GPHN: variants seen among roughly 807,000 people sequenced by gnomAD.
GPHN encodes the protein gephyrin.
A neutral mutation model predicts 95.5 loss-of-function variants in GPHN; 17 were observed. That is an observed-to-expected ratio of 0.18 (90% CI 0.12 to 0.27). GPHN has a LOEUF of 0.27. Ranked by LOEUF, GPHN falls within the 10% of genes least tolerant of loss-of-function variation. The pLI is 1.00. For synonymous variants in GPHN, 320 were observed against 322.5 expected, an observed-to-expected ratio of 0.99 and a Z score of 0.08; for missense variants, 660 against 978.1, an observed-to-expected ratio of 0.67 and a Z score of 4.34.
intron 1 of GPHN, among the ~76,000 whole-genome samples, chr14:66,597,546 G>A (rs535990895): frequency 6.6e-6 from 1 of 152,320 alleles, no homozygotes; most frequent in East Asian, 1.9e-4. Flanking sequence ...TGCCAGGAGT[G>A]GGGAGAGGCC....
At chr14:67,391,917 AGGAGGCGTGCAG>A in the GPHN span, among the ~76,000 whole-genome samples, 1 of 152,240 alleles carries the variant, frequency 6.6e-6, no homozygotes, top group African/African-American at 2.4e-5. Context: ...AAGTGTATCA[AGGAGGCGTGCAG>A]AATCTCACAA....
chr14:67,722,529 G>A, the GPHN span: 36 of 857,880 alleles, frequency 4.2e-5, no homozygotes, highest in African/African-American at 5.8e-4. Flanking sequence ...ACGGAGAGGA[G>A]CAGAGAAGCA....
chr14:67,635,457 C>A, the GPHN span, among the ~76,000 whole-genome samples: 1 of 152,220 alleles, frequency 6.6e-6, no homozygotes, highest in Admixed American at 6.5e-5. Context: ...CCATTCCCCA[C>A]CCTCCAGTTT....
chr14:66,582,489 T>C, intron 1 of GPHN, among the ~76,000 whole-genome samples: 1 of 151,996 alleles, frequency 6.6e-6, no homozygotes, highest in Non-Finnish European at 1.5e-5. Flanking sequence ...ACCCATTAAC[T>C]CATCATTTAG....
intron 1 of GPHN, among the ~76,000 whole-genome samples, chr14:66,574,383 T>G: frequency 6.6e-6 from 1 of 152,246 alleles, no homozygotes; most frequent in Non-Finnish European, 1.5e-5. Context: ...TCTATGGTTA[T>G]TTTACTGCTT....
chr14:67,579,502 G>A, the GPHN span: 36 of 646,778 alleles, frequency 5.6e-5, no homozygotes, highest in African/African-American at 6.1e-4. Flanking sequence ...AAAGATTGTT[G>A]GTAAAGGAGG....
the GPHN span, among the ~76,000 whole-genome samples, chr14:67,389,913 G>A: frequency 6.6e-6 from 1 of 152,218 alleles, no homozygotes; most frequent in East Asian, 1.9e-4. Flanking sequence ...GTCAACTGGA[G>A]CTTTTTGGAG....
intron 1 of GPHN, among the ~76,000 whole-genome samples, chr14:66,602,720 G>C (rs898775995): frequency 6.6e-6 from 1 of 151,804 alleles, no homozygotes; most frequent in African/African-American, 2.4e-5. Context: ...AAGGTCAAAA[G>C]TACAAATTTC....
chr14:67,285,269 G>GTA, the GPHN span, among the ~76,000 whole-genome samples: 2 of 152,130 alleles, frequency 1.3e-5, no homozygotes, highest in Non-Finnish European at 2.9e-5. Context: ...TTAATGCTGG[G>GTA]TATAGGTCCC....
chr14:67,168,889 T>C, intron 20 of GPHN, 44 bp from the exon 21 acceptor site: 1 of 1,232,390 alleles, frequency 8.1e-7, no homozygotes. Context: ...ATTTGGCAAA[T>C]TGTTACACAG....
At chr14:67,200,243 C>A in the GPHN span, 1 of 919,688 alleles carries the variant, frequency 1.1e-6, no homozygotes, top group Non-Finnish European at 1.6e-6. Flanking sequence ...CACCCTATGG[C>A]TACCAGCCTC....
intron 1 of GPHN, among the ~76,000 whole-genome samples, chr14:66,640,683 A>C (rs1034960406): frequency 6.6e-6 from 1 of 152,194 alleles, no homozygotes; most frequent in African/African-American, 2.4e-5. Flanking sequence ...CAGGCTTTCA[A>C]GTAAATATTT....
chr14:67,333,447 A>G, the GPHN span: 1 of 152,706 alleles, frequency 6.5e-6, no homozygotes, highest in Non-Finnish European at 1.5e-5. Context: ...TAATTTAGTC[A>G]TCAGAGATAC....
the GPHN span, among the ~76,000 whole-genome samples, chr14:67,406,086 C>T: frequency 6.6e-6 from 1 of 151,940 alleles, no homozygotes; most frequent in African/African-American, 2.4e-5. Flanking sequence ...AGGTTAAACC[C>T]CGTCTCTACT....
chr14:67,320,341 A>C, the GPHN span: 1 of 1,613,420 alleles, frequency 6.2e-7, no homozygotes, highest in Non-Finnish European at 8.5e-7. Context: ...GGCCAGAATG[A>C]ATTGCGTCAG....
At chr14:67,350,883 T>C in the GPHN span, among the ~76,000 whole-genome samples, 1 of 152,244 alleles carries the variant, frequency 6.6e-6, no homozygotes, top group Non-Finnish European at 1.5e-5. Context: ...TTACAAACTA[T>C]GAGTTTTATA....
intron 1 of GPHN, among the ~76,000 whole-genome samples, chr14:66,611,771 CTGT>C (rs1217374108): frequency 6.6e-6 from 1 of 152,166 alleles, no homozygotes; most frequent in Non-Finnish European, 1.5e-5. Flanking sequence ...GCTCTACTGC[CTGT>C]GTCCGTGGCT....
chr14:67,551,331 T>G, the GPHN span, among the ~76,000 whole-genome samples: 1 of 152,228 alleles, frequency 6.6e-6, no homozygotes, highest in Non-Finnish European at 1.5e-5. Flanking sequence ...AAGTGCCATC[T>G]TTGTATAGGA....
At chr14:67,252,126 G>T in the GPHN span, among the ~76,000 whole-genome samples, 1 of 152,106 alleles carries the variant, frequency 6.6e-6, no homozygotes, top group Non-Finnish European at 1.5e-5. Context: ...TAATAAACCA[G>T]TAATAGTAAG....
Sources: allele counts gnomAD v4.1 joint callset (sites outside exome capture counted in the v4.1 genomes callset), GRCh38; gene constraint gnomAD v4.1.1; transcripts MANE v1.5; gene names NCBI Gene and HGNC (gene_info 2026-07-23, HGNC 2026-07-21).